The following CLCNKB variants were observed in gnomAD, a reference collection of about 807,000 sequenced individuals.
CLCNKB encodes chloride channel protein ClC-Kb.
Under a neutral mutation model 83.8 loss-of-function variants are expected in CLCNKB, and 74 were observed. That is an observed-to-expected ratio of 0.88 (90% CI 0.73 to 1.07). The LOEUF (loss-of-function observed/expected upper bound fraction) is 1.07. Ranked by LOEUF, CLCNKB falls within the 50% of genes least tolerant of loss-of-function variation. CLCNKB has a pLI of 0.00. For missense variants in CLCNKB, 798 were observed against 893.6 expected (o/e 0.89, Z 1.36); for synonymous variants, 358 against 356.6 (o/e 1.00, Z -0.04).
Position 16,045,377 on chromosome 1 carries a change from C to G in CLCNKB, c.101-181C>G, listed in dbSNP as rs6604908. ...ACCCACTGTGTCACCACTGTCACCT[C>G]CCACAAATCCTGCCCGGCCACTTAT... On this transcript the variant is annotated intron_variant, in intron 2 of 19. Coordinates refer to ENST00000375679, the MANE Select transcript of CLCNKB (RefSeq NM_000085.5). Among the ~76,000 whole-genome samples the G allele has an allele frequency of 0.55, 82,859 of 151,994 alleles. 24,686 individuals are homozygous for G. Among genetic ancestry groups the G allele is most frequent in the South Asian group, 0.71 (3,431 of 4,816 alleles).
Position 16,049,884 on chromosome 1 carries a change from C to CAATA in CLCNKB, c.937_940dup (p.Arg314LysfsTer2), listed in dbSNP as rs779593707. ...GAATCTTCTTTGGCTTCATCAGGAA[C>CAATA]AATAGGTTCAGCTCCAAACTGCTGG... On this transcript the variant is annotated frameshift_variant, in exon 10 of 20. Coordinates refer to ENST00000375679, the MANE Select transcript of CLCNKB (RefSeq NM_000085.5). LOFTEE classifies it high-confidence loss of function. The CAATA allele has an allele frequency of 1.6e-5, 26 of 1,613,786 alleles. No individual in the cohort carries two copies. The highest frequency in any genetic ancestry group is 2.1e-5 in the Non-Finnish European group (25 of 1,179,934).
rs190382742 is a variant in CLCNKB, at chr1:16,056,617, G to A, written c.2016+109G>A. Reference sequence around the variant, plus strand: ...ACCAGCATGCTCCCATCCAAACCTGGGGGGATTCAGAGGATACTGATGAGT... The same window carrying A: ...ACCAGCATGCTCCCATCCAAACCTGAGGGGATTCAGAGGATACTGATGAGT... On this transcript the variant is annotated intron_variant, in intron 19 of 19. Transcript: ENST00000375679. 13,832 of 1,173,324 alleles carry A rather than the reference G, an allele frequency of 0.012. 136 individuals are homozygous for A. Among genetic ancestry groups the A allele is most frequent in the Non-Finnish European group, 0.014 (10,787 of 797,386 alleles). The allele number at this position is 1,173,324 out of a possible 1,614,324, so 72.7% of individuals were successfully genotyped here.
chr1:16,056,289 C>G, intron 18 of CLCNKB, 133 bp from the exon 19 acceptor site: 1 of 948,840 alleles, frequency 1.1e-6, no homozygotes, highest in Non-Finnish European at 1.7e-6. Flanking sequence ...TTGGACATTG[C>G]AGGCCTGGGT....
chr1:16,052,123 G>A (rs1373055330), intron 14 of CLCNKB, 75 bp from the exon 15 acceptor site: 56 of 1,576,342 alleles, frequency 3.6e-5, no homozygotes, highest in Admixed American at 6.7e-5. Context: ...GCCCCTGGTC[G>A]CAGCCGTGCC....
At chr1:16,056,278 A>G (rs1397161182) in intron 18 of CLCNKB, 144 bp from the exon 19 acceptor site, 2 of 884,096 alleles carry the variant, frequency 2.3e-6, no homozygotes, top group Admixed American at 1.8e-5. Flanking sequence ...CAGTGGCCAC[A>G]TTGGACATTG....
chr1:16,053,638 G>T lies in CLCNKB; in HGVS notation c.1623-1G>T. 6.2e-7 allele frequency: 1 copy of T among 1,613,962 alleles called. No individual in the cohort carries two copies. Among genetic ancestry groups the T allele is most frequent in the Non-Finnish European group, 8.5e-7 (1 of 1,180,038 alleles). The stretch of plus-strand genomic sequence containing the variant: ...CCTGATGGGAGCCCCTCTGCCTGCA[G>T]TTCCCACCGCGTGAGGGTGGAGCAC... On this transcript the variant is annotated splice_acceptor_variant, in intron 15 of 19. Transcript: ENST00000375679. LOFTEE classifies it high-confidence loss of function.
At chr1:16,049,088 G>A (rs1557468752) in intron 7 of CLCNKB, 32 bp from the exon 8 acceptor site, 3 of 1,613,498 alleles carry the variant, frequency 1.9e-6, no homozygotes, top group Middle Eastern at 1.8e-4. Flanking sequence ...GGTGGGGGTG[G>A]AGGGCCCACC....
chr1:16,051,861 G>A (rs200029688), intron 14 of CLCNKB, 41 bp downstream of exon 14: 58 of 1,521,572 alleles, frequency 3.8e-5, no homozygotes, highest in South Asian at 2.4e-4. Flanking sequence ...AATGTCGTGC[G>A]GCTGGGCTGG....
intron 8 of CLCNKB, 36 bp downstream of exon 8, chr1:16,049,281 TG>T: frequency 1.2e-6 from 2 of 1,610,888 alleles, no homozygotes; most frequent in Non-Finnish European, 1.7e-6. Flanking sequence ...TGGCCCTGCC[TG>T]GGGGCCGGGG....
At chr1:16,046,715 C>A in intron 4 of CLCNKB, 52 bp downstream of exon 4, 1 of 1,608,184 alleles carries the variant, frequency 6.2e-7, no homozygotes, top group Non-Finnish European at 8.5e-7. Flanking sequence ...CTTCTCAGAT[C>A]CCAGGGGGGA....
chr1:16,048,592 C>T lies in CLCNKB; in HGVS notation c.655+10C>T, dbSNP rs1466471891. 6.2e-7 allele frequency: 1 copy of T among 1,613,128 alleles called. No individual in the cohort carries two copies. Among genetic ancestry groups the T allele is most frequent in the South Asian group, 1.1e-5 (1 of 91,038 alleles). On this transcript the variant is annotated intron_variant, in intron 7 of 19. Transcript: ENST00000375679. ...GCAGCTCCCTTCAGCGGTGAGACCC[C>T]TTCATGCCCCGCCCCCTGGGTCCCT...
rs532894543 is a variant in CLCNKB at position 16,044,366 on chromosome 1, C to T, written c.-7-120C>T. 103 of 756,466 alleles carry T rather than the reference C, an allele frequency of 1.4e-4. No homozygotes were observed. The African/African-American group carries it at 1.7e-3, about 12-fold the overall frequency. The allele number at this position is 756,466 out of a possible 1,614,324, so 46.9% of individuals were successfully genotyped here. A position where few individuals can be genotyped will look rare whatever the true frequency, so the allele number is the denominator to read the frequency against. ...TGTGATAACTTCACATACACACACACACACACACACACGCACAATCTTTCC... is the reference window on the plus strand; with the variant it reads ...TGTGATAACTTCACATACACACACATACACACACACACGCACAATCTTTCC... On this transcript the variant is annotated intron_variant, in intron 1 of 19. Transcript: ENST00000375679.
chr1:16,048,604 C>T (rs1425845698), intron 7 of CLCNKB, 22 bp downstream of exon 7: 2 of 1,612,234 alleles, frequency 1.2e-6, no homozygotes, highest in South Asian at 1.1e-5. Context: ...TCATGCCCCG[C>T]CCCCTGGGTC....
intron 13 of CLCNKB, 70 bp downstream of exon 13, chr1:16,051,617 C>T: frequency 1.2e-6 from 2 of 1,606,922 alleles, no homozygotes; most frequent in African/African-American, 1.3e-5. Flanking sequence ...CCTGGTTCAC[C>T]CTCCCCAGGT....
intron 1 of CLCNKB, among the ~76,000 whole-genome samples, chr1:16,044,234 GAC>G (rs869206395): frequency 2.0e-5 from 2 of 100,382 alleles, no homozygotes; most frequent in Non-Finnish European, 5.1e-5. Flanking sequence ...TCTGCTGCTG[GAC>G]ACAGGGGGAC....
chr1:16,044,095 A>G (rs902635756), intron 1 of CLCNKB, among the ~76,000 whole-genome samples: 7 of 152,058 alleles, frequency 4.6e-5, no homozygotes, highest in Admixed American at 2.0e-4. Context: ...CTCTGCAGTG[A>G]GAGTGTCACA....
chr1:16,055,416 C>G lies in CLCNKB; in HGVS notation c.1757-19C>G. 6.2e-7 allele frequency: 1 copy of G among 1,607,430 alleles called. No homozygotes were observed. Among genetic ancestry groups the G allele is most frequent in the African/African-American group, 1.3e-5 (1 of 74,898 alleles). Reference sequence around the variant, plus strand: ...TTCCTCCTAATGTGCCTCCCTCTGGCTGTCTCTCCACTTGCCAGAGTCCCA... The same window carrying G: ...TTCCTCCTAATGTGCCTCCCTCTGGGTGTCTCTCCACTTGCCAGAGTCCCA... On this transcript the variant is annotated intron_variant, in intron 16 of 19. Transcript: ENST00000375679.
Position 16,051,860 on chromosome 1 carries a change from C to G in CLCNKB, c.1408+40C>G, listed in dbSNP as rs200729141. 4.6e-4 allele frequency: 696 copies of G among 1,529,488 alleles called. 1 individual carries two copies. Among genetic ancestry groups the G allele is most frequent in the Non-Finnish European group, 5.6e-4 (617 of 1,103,988 alleles). The allele number at this position is 1,529,488 out of a possible 1,614,324, so 94.7% of individuals were successfully genotyped here. ...GGCCTGCTGCGTGGGCAATGTCGTGCGGCTGGGCTGGACCTGGAGAATTGG... is the reference window on the plus strand; with the variant it reads ...GGCCTGCTGCGTGGGCAATGTCGTGGGGCTGGGCTGGACCTGGAGAATTGG... On this transcript the variant is annotated intron_variant, in intron 14 of 19. Coordinates refer to ENST00000375679, the MANE Select transcript of CLCNKB (RefSeq NM_000085.5).
rs1307215192 is a variant in CLCNKB at position 16,050,599 on chromosome 1, G to A, written c.1052G>A (p.Arg351Gln). 3 of 1,613,926 alleles carry A rather than the reference G, an allele frequency of 1.9e-6. No homozygotes were observed. Among genetic ancestry groups the A allele is most frequent in the African/African-American group, 1.3e-5 (1 of 75,034 alleles). ...AGCGCCGGCCGCTTCCTAGCTTCTC[G>A]GGTAAGGGGCCTTGAGTGGGGTGGC... ...PPSAGRFLAS[R>Q]LSMKQHLDSL... Residue 351 changes from arginine to glutamine, a missense_variant and splice_region_variant, in exon 11 of 20, where the codon CGG (arginine) becomes CAG (glutamine). Transcript: ENST00000375679.
Sources: gnomAD v4.1 joint callset for allele counts (sites outside exome capture counted in the v4.1 genomes callset) on GRCh38, gnomAD v4.1.1 for gene constraint, MANE v1.5 for transcripts, NCBI Gene and HGNC (gene_info 2026-07-23, HGNC 2026-07-21) for gene names.